SUCLG2: variants seen among roughly 807,000 people sequenced by gnomAD.
The protein encoded by SUCLG2 is succinate-CoA ligase GDP-forming subunit beta, also known as succinate--CoA ligase [GDP-forming] subunit beta, mitochondrial.
A neutral mutation model predicts 47.9 loss-of-function variants in SUCLG2; 42 were observed. The ratio of observed to expected loss-of-function variants is 0.88; its 90% CI spans 0.69 to 1.14. The LOEUF (loss-of-function observed/expected upper bound fraction) is 1.14, where lower values mean the gene tolerates loss of function less well. SUCLG2 is among the 50% of genes most tolerant of loss of function. The probability of loss-of-function intolerance (pLI) is 0.00; values close to 1 mark genes in which losing one functional copy is unlikely to be tolerated. For synonymous variants in SUCLG2, 195 were observed against 197.3 expected (o/e 0.99, Z 0.10); for missense variants, 571 against 525.9 (o/e 1.09, Z -0.84).
intron 2 of SUCLG2, among the ~76,000 whole-genome samples, chr3:67,596,646 T>C (rs140155311): frequency 2.2e-3 from 329 of 152,234 alleles, no homozygotes; most frequent in African/African-American, 7.0e-3. Context: ...CACCAACTAT[T>C]TGTAGTCATC....
intron 1 of SUCLG2, among the ~76,000 whole-genome samples, chr3:67,645,834 C>A (rs1042816583): frequency 6.6e-6 from 1 of 151,286 alleles, no homozygotes; most frequent in African/African-American, 2.4e-5. Flanking sequence ...CTTACTAACT[C>A]AAATAAGTCC....
chr3:67,600,950 C>T (rs1234084670), intron 2 of SUCLG2, among the ~76,000 whole-genome samples: 1 of 152,180 alleles, frequency 6.6e-6, no homozygotes, highest in Non-Finnish European at 1.5e-5. Context: ...TGGGGCAGCT[C>T]ATGTGCTTCA....
chr3:67,575,236 A>G (rs9858628), intron 2 of SUCLG2, among the ~76,000 whole-genome samples: 3,384 of 152,346 alleles, frequency 0.022, 118 homozygotes, highest in African/African-American at 0.077. Context: ...TTGTTCACAA[A>G]GACTTACATG....
chr3:67,605,070 G>A (rs541261659), intron 2 of SUCLG2, among the ~76,000 whole-genome samples: 1 of 152,268 alleles, frequency 6.6e-6, no homozygotes, highest in African/African-American at 2.4e-5. Flanking sequence ...CAATGATGAT[G>A]CTGATAGCAA....
At chr3:67,527,464 T>C (rs868339565) in intron 4 of SUCLG2, among the ~76,000 whole-genome samples, 5 of 152,208 alleles carry the variant, frequency 3.3e-5, no homozygotes, top group Non-Finnish European at 7.3e-5. Context: ...CTAGTTCTAG[T>C]GTCTGGATAC....
rs148162649 is a variant in SUCLG2 at position 67,491,725 on chromosome 3, T to C, written c.1062+4073A>G. Reference sequence around the variant, plus strand: ...CACTTTGTAATAATTCATCAAGCTGTATACTTAAAATTTGTATACTGTTCT... The same window carrying C: ...CACTTTGTAATAATTCATCAAGCTGCATACTTAAAATTTGTATACTGTTCT... On this transcript the variant is annotated intron_variant, in intron 9 of 10. Transcript: ENST00000307227. Among the ~76,000 whole-genome samples the C allele has an allele frequency of 9.1e-3, 1,392 of 152,358 alleles. 5 individuals carry two copies. Among genetic ancestry groups the C allele is most frequent in the Non-Finnish European group, 0.014 (927 of 68,032 alleles).
At chr3:67,518,034 A>G (rs1705994007) in intron 6 of SUCLG2, among the ~76,000 whole-genome samples, 1 of 152,226 alleles carries the variant, frequency 6.6e-6, no homozygotes, top group African/African-American at 2.4e-5. Context: ...ACATGCACAC[A>G]CATACCAAAA....
At chr3:67,392,703 A>G (rs1053749351) in intron 10 of SUCLG2, among the ~76,000 whole-genome samples, 4 of 152,334 alleles carry the variant, frequency 2.6e-5, no homozygotes, top group Admixed American at 6.5e-5. Context: ...AATAATAACA[A>G]TAAGAGAAGA....
intron 1 of SUCLG2, among the ~76,000 whole-genome samples, chr3:67,621,142 A>T (rs979172997): frequency 3.3e-5 from 5 of 152,202 alleles, no homozygotes; most frequent in African/African-American, 1.2e-4. Context: ...ATCAATCATA[A>T]ATAAATTAAT....
At chr3:67,597,390 AG>A (rs1575805662) in intron 2 of SUCLG2, among the ~76,000 whole-genome samples, 1 of 152,166 alleles carries the variant, frequency 6.6e-6, no homozygotes, top group East Asian at 1.9e-4. Context: ...GCCTAGATGG[AG>A]GGTTCCTGGA....
Position 67,375,750 on chromosome 3 carries a change from C to T in SUCLG2, c.1293G>A (p.Lys431=). Reference sequence around the variant, plus strand: ...TTGGATCAGGACAAAGACATCACTTCTTGGCCACACTGGCCACAGCCTTCT... The same window carrying T: ...TTGGATCAGGACAAAGACATCACTTTTTGGCCACACTGGCCACAGCCTTCT... ...AAKKAVASVA[K]K is the part of the protein sequence containing the mutation. Residue 431 remains lysine, a synonymous_variant, in exon 11 of 11, where the codon AAG becomes AAA. Coordinates refer to ENST00000307227, the MANE Select transcript of SUCLG2 (RefSeq NM_003848.4). The T allele has an allele frequency of 1.2e-6, 2 of 1,612,938 alleles. No homozygotes were observed. The highest frequency in any genetic ancestry group is 1.7e-6 in the Non-Finnish European group (2 of 1,179,708).
chr3:67,414,904 G>A (rs1324602879), intron 9 of SUCLG2, among the ~76,000 whole-genome samples: 1 of 152,164 alleles, frequency 6.6e-6, no homozygotes, highest in African/African-American at 2.4e-5. Flanking sequence ...TGCCCAGGCT[G>A]GAGTGCAATG....
intron 7 of SUCLG2, among the ~76,000 whole-genome samples, chr3:67,501,529 T>A (rs534682706): frequency 6.6e-6 from 1 of 152,264 alleles, no homozygotes. Flanking sequence ...TGATTCCTGA[T>A]GCAGAGCTCC....
intron 2 of SUCLG2, among the ~76,000 whole-genome samples, chr3:67,582,494 C>A (rs1278010295): frequency 6.6e-6 from 1 of 152,146 alleles, no homozygotes; most frequent in Non-Finnish European, 1.5e-5. Flanking sequence ...ATATGTACCA[C>A]ATTTTCTTTA....
intron 2 of SUCLG2, among the ~76,000 whole-genome samples, chr3:67,594,205 G>A (rs770527585): frequency 2.6e-5 from 4 of 152,152 alleles, no homozygotes; most frequent in Non-Finnish European, 5.9e-5. Flanking sequence ...GTTACCTAGC[G>A]TTGTTGAGGC....
At chr3:67,568,865 C>G (rs1024947001) in intron 2 of SUCLG2, among the ~76,000 whole-genome samples, 1 of 151,768 alleles carries the variant, frequency 6.6e-6, no homozygotes, top group African/African-American at 2.4e-5. Flanking sequence ...CCAGCCTGGG[C>G]GACAGAGCGA....
chr3:67,515,969 A>G (rs1258846553), intron 6 of SUCLG2, among the ~76,000 whole-genome samples: 1 of 149,572 alleles, frequency 6.7e-6, no homozygotes, highest in Non-Finnish European at 1.5e-5. Flanking sequence ...CCCCTCCCCC[A>G]CTCTCTCCTT....
At chr3:67,418,257 GTAAGTACT>G (rs1703078963) in intron 9 of SUCLG2, among the ~76,000 whole-genome samples, 1 of 152,118 alleles carries the variant, frequency 6.6e-6, no homozygotes, top group South Asian at 2.1e-4. Context: ...GTGGCAAGTG[GTAAGTACT>G]TATTAGCAGT....
intron 10 of SUCLG2, among the ~76,000 whole-genome samples, chr3:67,365,480 G>T (rs17806805): frequency 0.083 from 12,624 of 152,242 alleles, 669 homozygotes; most frequent in Middle Eastern, 0.14. Context: ...AGAGTGACTA[G>T]TTATGACTTC....
Sources: allele counts gnomAD v4.1 joint callset (sites outside exome capture counted in the v4.1 genomes callset), GRCh38; gene constraint gnomAD v4.1.1; transcripts MANE v1.5; gene names NCBI Gene and HGNC (gene_info 2026-07-23, HGNC 2026-07-21).